Variants in KCNQ5 observed in about 807,000 individuals in gnomAD.
KCNQ5 encodes potassium voltage-gated channel subfamily KQT member 5.
In KCNQ5, 30 loss-of-function variants were observed where a neutral mutation model predicts 98.2. The observed-to-expected ratio is 0.31, with a 90% CI of 0.23 to 0.41. The LOEUF (loss-of-function observed/expected upper bound fraction) is 0.41, where lower values mean the gene tolerates loss of function less well. Ranked by LOEUF, KCNQ5 falls within the 10% of genes least tolerant of loss-of-function variation. The pLI, the probability that KCNQ5 is intolerant of heterozygous loss-of-function variation, is 1.00. For synonymous variants in KCNQ5, 458 were observed against 449.4 expected (o/e 1.02, Z -0.24); for missense variants, 835 against 1,182.5 (o/e 0.71, Z 4.31).
intron 2 of KCNQ5, among the ~76,000 whole-genome samples, chr6:73,017,159 C>A (rs1004792097): frequency 1.3e-5 from 2 of 152,156 alleles, no homozygotes; most frequent in Non-Finnish European, 2.9e-5. Context: ...AATAAGGCAT[C>A]GCCCTGCCCT....
chr6:72,658,487 G>T (rs1397814625), intron 1 of KCNQ5, among the ~76,000 whole-genome samples: 1 of 146,070 alleles, frequency 6.8e-6, no homozygotes, highest in Non-Finnish European at 1.5e-5. Context: ...CATCATGTTG[G>T]CCAGGCTGGT....
chr6:72,849,844 C>T (rs1487171359), intron 1 of KCNQ5, among the ~76,000 whole-genome samples: 1 of 152,090 alleles, frequency 6.6e-6, no homozygotes, highest in Non-Finnish European at 1.5e-5. Context: ...TCTCTCTACT[C>T]AGTGGTGGAT....
intron 1 of KCNQ5, among the ~76,000 whole-genome samples, chr6:72,796,960 G>A (rs1236532251): frequency 6.6e-6 from 1 of 152,108 alleles, no homozygotes; most frequent in East Asian, 1.9e-4. Context: ...ACAAGAAAAT[G>A]AACTATGCAG....
rs1281338095 is a variant in KCNQ5, at chr6:72,993,949, G to A, written c.399-9959G>A. 8.2e-5 allele frequency among the ~76,000 whole-genome samples: 8 copies of A among 98,032 alleles called. No homozygotes were observed. The East Asian group carries it at 2.4e-3, about 30-fold the overall frequency. The allele number at this position is 98,032 out of a possible 152,430, so 64.3% of individuals were successfully genotyped here. ...AGGTGTCAGTGTGCCCCTGCTGGGG[G>A]GTTCCTCCCAGTTAGGCTGCTCGGG... On this transcript the variant is annotated intron_variant, in intron 1 of 13. Coordinates refer to ENST00000370398, the MANE Select transcript of KCNQ5 (RefSeq NM_019842.4).
At chr6:72,855,556 C>G (rs911188935) in intron 1 of KCNQ5, among the ~76,000 whole-genome samples, 12 of 152,024 alleles carry the variant, frequency 7.9e-5, no homozygotes, top group Admixed American at 6.6e-4. Flanking sequence ...ATTGTTTGGT[C>G]AAGTATTTTT....
intron 1 of KCNQ5, among the ~76,000 whole-genome samples, chr6:72,890,624 A>G (rs1779021066): frequency 6.6e-6 from 1 of 152,176 alleles, no homozygotes; most frequent in Non-Finnish European, 1.5e-5. Context: ...GAATAGTAGG[A>G]CACACCAGGA....
At chr6:72,845,405 A>T (rs775542031) in intron 1 of KCNQ5, among the ~76,000 whole-genome samples, 3 of 152,226 alleles carry the variant, frequency 2.0e-5, no homozygotes, top group Non-Finnish European at 4.4e-5. Flanking sequence ...TTATACCTTG[A>T]TCCAAAAGCT....
intron 10 of KCNQ5, 88 bp from the exon 11 acceptor site, chr6:73,169,658 A>G: frequency 1.1e-6 from 1 of 890,314 alleles, no homozygotes; most frequent in Non-Finnish European, 1.9e-6. Flanking sequence ...CTCTGTGAGT[A>G]TCCCGCCATT....
intron 1 of KCNQ5, among the ~76,000 whole-genome samples, chr6:72,816,551 A>G (rs978908337): frequency 1.3e-5 from 2 of 152,222 alleles, no homozygotes; most frequent in African/African-American, 4.8e-5. Flanking sequence ...TGGGTGGTCA[A>G]GACCACAAAA....
intron 1 of KCNQ5, among the ~76,000 whole-genome samples, chr6:72,774,014 T>C (rs939138731): frequency 6.6e-6 from 1 of 152,022 alleles, no homozygotes; most frequent in Non-Finnish European, 1.5e-5. Context: ...AGTGGGAAAA[T>C]AATTTTTTCC....
intron 1 of KCNQ5, among the ~76,000 whole-genome samples, chr6:72,734,756 T>C (rs1466155506): frequency 2.0e-5 from 3 of 152,194 alleles, no homozygotes; most frequent in Admixed American, 1.3e-4. Flanking sequence ...TAATTTTAGG[T>C]TCTGTCATAT....
intron 6 of KCNQ5, 124 bp downstream of exon 6, chr6:73,105,491 A>G (rs1774963315): frequency 4.0e-6 from 2 of 497,330 alleles, no homozygotes; most frequent in African/African-American, 3.9e-5. Flanking sequence ...TTTTTCCGAT[A>G]TAATGTTGAC....
chr6:72,691,388 T>G (rs1180407528), intron 1 of KCNQ5, among the ~76,000 whole-genome samples: 1 of 152,256 alleles, frequency 6.6e-6, no homozygotes, highest in African/African-American at 2.4e-5. Flanking sequence ...ATTTGTCAGT[T>G]TAATACCTGC....
chr6:73,048,046 G>T (rs1326553134), intron 3 of KCNQ5, among the ~76,000 whole-genome samples: 1 of 152,210 alleles, frequency 6.6e-6, no homozygotes, highest in African/African-American at 2.4e-5. Flanking sequence ...AGGCTGTATG[G>T]CACCAAATGG....
At chr6:72,813,827 A>C (rs958800827) in intron 1 of KCNQ5, among the ~76,000 whole-genome samples, 9 of 152,124 alleles carry the variant, frequency 5.9e-5, no homozygotes, top group Non-Finnish European at 1.0e-4. Context: ...TATTTGTATT[A>C]CTTTTTTGTT....
At chr6:72,790,777 C>T (rs535088815) in intron 1 of KCNQ5, among the ~76,000 whole-genome samples, 11 of 152,060 alleles carry the variant, frequency 7.2e-5, no homozygotes, top group African/African-American at 2.4e-4. Flanking sequence ...AAAATAAAGT[C>T]ATTTAGAACA....
chr6:72,695,225 C>A (rs1194977688), intron 1 of KCNQ5, among the ~76,000 whole-genome samples: 3 of 152,212 alleles, frequency 2.0e-5, no homozygotes, highest in Admixed American at 1.3e-4. Context: ...TATTTGTACA[C>A]ATAAATGACC....
intron 5 of KCNQ5, among the ~76,000 whole-genome samples, chr6:73,084,266 G>C (rs1773893594): frequency 6.6e-6 from 1 of 152,186 alleles, no homozygotes; most frequent in African/African-American, 2.4e-5. Flanking sequence ...TTTATTTAAT[G>C]TTGGATTCCC....
intron 1 of KCNQ5, among the ~76,000 whole-genome samples, chr6:72,859,157 T>A (rs1278725938): frequency 6.6e-6 from 1 of 152,172 alleles, no homozygotes; most frequent in Non-Finnish European, 1.5e-5. Flanking sequence ...CTCTCTGATA[T>A]GACACAGACA....
Sources: allele counts gnomAD v4.1 joint callset (sites outside exome capture counted in the v4.1 genomes callset), GRCh38; gene constraint gnomAD v4.1.1; transcripts MANE v1.5; gene names NCBI Gene and HGNC (gene_info 2026-07-23, HGNC 2026-07-21).